PCDHA13: variants seen among roughly 807,000 people sequenced by gnomAD.
PCDHA13 encodes protocadherin alpha-13.
In PCDHA13, 54 loss-of-function variants were observed where a neutral mutation model predicts 64.8. The ratio of observed to expected loss-of-function variants is 0.83; its 90% CI spans 0.67 to 1.04. The LOEUF (loss-of-function observed/expected upper bound fraction) is 1.04. PCDHA13 is among the 50% of genes least tolerant of loss of function. The pLI is 0.00. For synonymous variants in PCDHA13, 587 were observed against 564.4 expected (o/e 1.04, Z -0.57); for missense variants, 1,248 against 1,254.3 (o/e 0.99, Z 0.08).
chr5:140,973,719 C>T (rs1184460895), intron 1 of PCDHA13, among the ~76,000 whole-genome samples: 8 of 152,228 alleles, frequency 5.3e-5, no homozygotes, highest in African/African-American at 1.7e-4. Flanking sequence ...TGAGCCATCA[C>T]ATGGGCATCT....
At chr5:140,994,864 G>A (rs2097653681) in intron 3 of PCDHA13, among the ~76,000 whole-genome samples, 1 of 152,114 alleles carries the variant, frequency 6.6e-6, no homozygotes, top group Non-Finnish European at 1.5e-5. Context: ...TGATGGATGT[G>A]GTAGAATAAA....
intron 2 of PCDHA13, chr5:140,982,197 A>G: frequency 1.5e-5 from 6 of 389,618 alleles, no homozygotes; most frequent in Non-Finnish European, 2.1e-5. Flanking sequence ...TTCCTGTTAG[A>G]TTTAGTGAGC....
At chr5:140,987,119 CAGG>C (rs1258206409) in intron 3 of PCDHA13, among the ~76,000 whole-genome samples, 2 of 151,448 alleles carry the variant, frequency 1.3e-5, no homozygotes, top group Non-Finnish European at 2.9e-5. Flanking sequence ...GAGGCTGAGG[CAGG>C]AGAATTGCTT....
At chr5:140,938,878 C>T (rs1324581693) in intron 1 of PCDHA13, among the ~76,000 whole-genome samples, 3 of 151,098 alleles carry the variant, frequency 2.0e-5, no homozygotes, top group Admixed American at 1.3e-4. Context: ...TAAGAAGCAA[C>T]ACACACACAC....
chr5:140,971,580 T>C (rs1028418438), intron 1 of PCDHA13, among the ~76,000 whole-genome samples: 9 of 152,154 alleles, frequency 5.9e-5, no homozygotes, highest in African/African-American at 2.2e-4. Context: ...TTTCTTTTTT[T>C]CCTACCTAGT....
chr5:140,943,603 G>A (rs1554215788), intron 1 of PCDHA13, among the ~76,000 whole-genome samples: 1 of 152,100 alleles, frequency 6.6e-6, no homozygotes, highest in African/African-American at 2.4e-5. Context: ...TCTAAATATA[G>A]ACTTTGATTC....
intron 1 of PCDHA13, among the ~76,000 whole-genome samples, chr5:140,955,667 T>C (rs1485421057): frequency 6.6e-6 from 1 of 152,188 alleles, no homozygotes; most frequent in Admixed American, 6.5e-5. Flanking sequence ...AATTTTAACA[T>C]AGTTTTTTCG....
chr5:140,996,918 A>T lies in PCDHA13; in HGVS notation c.2543-12709A>T, dbSNP rs10036183. On this transcript the variant is annotated intron_variant, in intron 3 of 3. Transcript: ENST00000289272. ...GAATTACATTGTTGAAGTAAATATT[A>T]AAAAATATAGCATTTTTGCATAGAA... Among the ~76,000 whole-genome samples, 492 of 152,328 alleles carry T rather than the reference A, an allele frequency of 3.2e-3. 4 individuals are homozygous for T. Among genetic ancestry groups the T allele is most frequent in the African/African-American group, 0.011 (464 of 41,562 alleles).
intron 1 of PCDHA13, among the ~76,000 whole-genome samples, chr5:140,954,720 T>C (rs1255262640): frequency 1.3e-5 from 2 of 152,168 alleles, no homozygotes; most frequent in African/African-American, 4.8e-5. Context: ...ATTCTGTAGG[T>C]TGTCTTTTCA....
At chr5:140,898,383 G>A (rs1416953064) in intron 1 of PCDHA13, among the ~76,000 whole-genome samples, 1 of 152,164 alleles carries the variant, frequency 6.6e-6, no homozygotes, top group South Asian at 2.1e-4. Flanking sequence ...GTAAGGAAGG[G>A]ATCCAGTTTC....
At chr5:140,948,866 G>A (rs552659179) in intron 1 of PCDHA13, among the ~76,000 whole-genome samples, 32 of 151,022 alleles carry the variant, frequency 2.1e-4, no homozygotes, top group Non-Finnish European at 2.5e-4. Context: ...ATATTACTTC[G>A]GGTTTACTTT....
At chr5:140,933,351 T>C (rs2089082227) in intron 1 of PCDHA13, among the ~76,000 whole-genome samples, 1 of 152,024 alleles carries the variant, frequency 6.6e-6, no homozygotes, top group South Asian at 2.1e-4. Flanking sequence ...AAACACTTTA[T>C]TTCTAACCCA....
At chr5:140,923,142 T>TA (rs1262526439) in intron 1 of PCDHA13, among the ~76,000 whole-genome samples, 1 of 152,006 alleles carries the variant, frequency 6.6e-6, no homozygotes, top group African/African-American at 2.4e-5. Context: ...AGGTGGAATA[T>TA]AAAAAAAATT....
At chr5:140,967,944 A>T in intron 1 of PCDHA13, 1 of 1,614,088 alleles carries the variant, frequency 6.2e-7, no homozygotes, top group Non-Finnish European at 8.5e-7. Flanking sequence ...AATGACCAAG[A>T]CTCAGGCCCC....
rs782667822 is a variant in PCDHA13, at chr5:140,884,499, C to A, written c.2231C>A (p.Ala744Glu). 2 of 1,614,062 alleles carry A rather than the reference C, an allele frequency of 1.2e-6. No individual in the cohort carries two copies. The highest frequency in any genetic ancestry group is 8.5e-7 in the Non-Finnish European group (1 of 1,179,992). Residue 744 changes from alanine (A) to glutamate (E), a missense_variant, in exon 1 of 4, where the codon GCG becomes GAG. Coordinates refer to ENST00000289272, the MANE Select transcript of PCDHA13 (RefSeq NM_018904.3). ...AAGCCCACTCTAGTGTGCTCCAGCG[C>A]GGCAGGGAGTTGGTCGTACTCGCAG... ...PGKPTLVCSS[A>E]AGSWSYSQQR...
At chr5:140,999,143 A>G (rs2097848811) in intron 3 of PCDHA13, among the ~76,000 whole-genome samples, 1 of 152,214 alleles carries the variant, frequency 6.6e-6, no homozygotes, top group Non-Finnish European at 1.5e-5. Context: ...CACAGCCGGA[A>G]GTCTTCAGTC....
At chr5:140,996,591 T>TC (rs201351256) in intron 3 of PCDHA13, among the ~76,000 whole-genome samples, 1,577 of 152,202 alleles carry the variant, frequency 0.01, 12 homozygotes, top group Middle Eastern at 0.058. Flanking sequence ...AAGGGCCGCC[T>TC]CCCCCCATTT....
chr5:140,907,563 A>G (rs1554193054), intron 1 of PCDHA13, among the ~76,000 whole-genome samples: 1 of 152,160 alleles, frequency 6.6e-6, no homozygotes, highest in Admixed American at 6.5e-5. Context: ...AATATAATCA[A>G]CTTGCCACCA....
chr5:140,890,565 T>C (rs1381687393), intron 1 of PCDHA13, among the ~76,000 whole-genome samples: 1 of 152,194 alleles, frequency 6.6e-6, no homozygotes, highest in Non-Finnish European at 1.5e-5. Context: ...TATTGTTCCA[T>C]TTCCTTCTGT....
Sources: gnomAD v4.1 joint callset for allele counts (sites outside exome capture counted in the v4.1 genomes callset) on GRCh38, gnomAD v4.1.1 for gene constraint, MANE v1.5 for transcripts, NCBI Gene and HGNC (gene_info 2026-07-23, HGNC 2026-07-21) for gene names.